CDH6: variants seen among roughly 807,000 people sequenced by gnomAD.
The protein encoded by CDH6 is cadherin 6.
A neutral mutation model predicts 78.0 loss-of-function variants in CDH6; 31 were observed. That is an observed-to-expected ratio of 0.40 (90% confidence interval 0.30 to 0.54). The LOEUF (loss-of-function observed/expected upper bound fraction) is 0.54, where lower values mean the gene tolerates loss of function less well. CDH6 is among the 20% of genes least tolerant of loss of function. The pLI, the probability that CDH6 is intolerant of heterozygous loss-of-function variation, is 0.56. For synonymous variants in CDH6, 376 were observed against 368.8 expected (o/e 1.02, Z -0.23); for missense variants, 724 against 975.9 (o/e 0.74, Z 3.44).
At chr5:31,314,249 A>G (rs1738240603) in intron 8 of CDH6, among the ~76,000 whole-genome samples, 1 of 151,072 alleles carries the variant, frequency 6.6e-6, no homozygotes, top group Non-Finnish European at 1.5e-5. Flanking sequence ...TGCTGCACCC[A>G]TTAACTCGTC....
At chr5:31,231,967 T>C (rs1741322326) in intron 1 of CDH6, among the ~76,000 whole-genome samples, 2 of 152,244 alleles carry the variant, frequency 1.3e-5, no homozygotes, top group South Asian at 4.1e-4. Context: ...ATGTTTCTTT[T>C]CAAATCACCC....
At position 31,220,442 on chromosome 5, in the gene CDH6, G is replaced by A. The variant is rs541112695; in HGVS notation, c.-129+26556G>A. ...GAGTTAGTGTGAGTTATTAAAGTGAGGGATGCCAAATTCTCTATTTATTTC... is the reference window on the plus strand; with the variant it reads ...GAGTTAGTGTGAGTTATTAAAGTGAAGGATGCCAAATTCTCTATTTATTTC... On this transcript the variant is annotated intron_variant, in intron 1 of 11. Coordinates refer to ENST00000265071, the MANE Select transcript of CDH6 (RefSeq NM_004932.4). 2.6e-5 allele frequency among the ~76,000 whole-genome samples: 4 copies of A among 152,194 alleles called. No individual in the cohort carries two copies. In the South Asian group the frequency reaches 8.3e-4, roughly 32 times the overall value.
intron 1 of CDH6, among the ~76,000 whole-genome samples, chr5:31,198,488 C>T (rs1740233061): frequency 6.6e-6 from 1 of 152,126 alleles, no homozygotes. Context: ...ATAAAGCTAG[C>T]ATACCACAGG....
Position 31,326,736 on chromosome 5 carries a change from G to A in CDH6, c.*3428G>A, listed in dbSNP as rs1738634722. ...AGACAGAATCTCGCTCTGTCGCCCA[G>A]GCTGGAATGCAGTGGCGCGATCTCT... On this transcript the variant is annotated 3_prime_UTR_variant, in exon 12 of 12. Transcript: ENST00000265071. The A allele has an allele frequency of 7.4e-6, 1 of 135,530 alleles. No individual in the cohort carries two copies. Among genetic ancestry groups the A allele is most frequent in the Non-Finnish European group, 1.4e-5 (1 of 69,454 alleles). 8.4% of individuals were successfully genotyped at this position (135,530 alleles called of 1,614,324 possible). A position where few individuals can be genotyped will look rare whatever the true frequency, so the allele number is the denominator to read the frequency against.
At chr5:31,288,739 G>C (rs770080300) in intron 2 of CDH6, among the ~76,000 whole-genome samples, 4 of 152,124 alleles carry the variant, frequency 2.6e-5, no homozygotes, top group Non-Finnish European at 5.9e-5. Context: ...CAACACCACT[G>C]TTCTCTAATT....
intron 1 of CDH6, among the ~76,000 whole-genome samples, chr5:31,198,114 G>C (rs561024433): frequency 6.6e-6 from 1 of 152,248 alleles, no homozygotes; most frequent in South Asian, 2.1e-4. Flanking sequence ...GCCATCTGCA[G>C]CCAACAGTCT....
chr5:31,239,509 A>G (rs1318887999), intron 1 of CDH6, among the ~76,000 whole-genome samples: 1 of 152,240 alleles, frequency 6.6e-6, no homozygotes, highest in Admixed American at 6.5e-5. Context: ...TTATTAGAAA[A>G]CACTGATATG....
chr5:31,303,368 G>A (rs2149952972), intron 6 of CDH6, among the ~76,000 whole-genome samples: 1 of 152,240 alleles, frequency 6.6e-6, no homozygotes, highest in East Asian at 1.9e-4. Context: ...AAGATGACTT[G>A]CATCACAAAA....
chr5:31,312,945 G>A (rs200081116), intron 7 of CDH6, among the ~76,000 whole-genome samples: 3 of 149,202 alleles, frequency 2.0e-5, no homozygotes, highest in Non-Finnish European at 3.0e-5. Context: ...ATGCATACAA[G>A]CACACACACA....
intron 11 of CDH6, among the ~76,000 whole-genome samples, chr5:31,319,482 C>T (rs900999565): frequency 6.6e-6 from 1 of 152,232 alleles, no homozygotes; most frequent in African/African-American, 2.4e-5. Flanking sequence ...GTATAATTAT[C>T]TGTACCTTAA....
intron 5 of CDH6, among the ~76,000 whole-genome samples, chr5:31,300,926 G>C (rs1386539896): frequency 6.6e-6 from 1 of 152,160 alleles, no homozygotes; most frequent in East Asian, 1.9e-4. Flanking sequence ...TTCAAGAGCA[G>C]CCGAGGCAAC....
In CDH6 at chr5:31,326,004, A is replaced by G. The variant is rs1738617313; in HGVS notation, c.*2696A>G. On this transcript the variant is annotated 3_prime_UTR_variant, in exon 12 of 12. Transcript: ENST00000265071. ...ACCCCACCTGAGTATCAGGTCAAACATCATTGCATGCGCAGGTTTTTTTTT... is the reference window on the plus strand; with the variant it reads ...ACCCCACCTGAGTATCAGGTCAAACGTCATTGCATGCGCAGGTTTTTTTTT... The G allele has an allele frequency of 8.7e-6, 2 of 230,328 alleles. No individual in the cohort carries two copies. The highest frequency in any genetic ancestry group is 1.1e-4 in the Admixed American group (2 of 17,658). The allele number at this position is 230,328 out of a possible 1,614,324, so 14.3% of individuals were successfully genotyped here.
At chr5:31,262,272 T>C (rs1742230444) in intron 1 of CDH6, among the ~76,000 whole-genome samples, 1 of 152,228 alleles carries the variant, frequency 6.6e-6, no homozygotes, top group Non-Finnish European at 1.5e-5. Context: ...ATGTTCAAAG[T>C]ATGCAATTAC....
At chr5:31,230,333 T>A (rs142563242) in intron 1 of CDH6, among the ~76,000 whole-genome samples, 8 of 152,336 alleles carry the variant, frequency 5.3e-5, no homozygotes, top group African/African-American at 1.7e-4. Flanking sequence ...TACACAGGTT[T>A]GTCTGTATAA....
rs576160925 is a variant in CDH6 at position 31,312,281 on chromosome 5, T to G, written c.1254-1037T>G. Among the ~76,000 whole-genome samples the G allele has an allele frequency of 3.9e-5, 6 of 152,336 alleles. No individual in the cohort carries two copies. The East Asian group carries it at 9.7e-4, about 25-fold the overall frequency. ...GCATAGCAAAAATGGAACTTACCCATCTTCCCCGAATCCTGTTTTTCACTC... is the reference window on the plus strand; with the variant it reads ...GCATAGCAAAAATGGAACTTACCCAGCTTCCCCGAATCCTGTTTTTCACTC... On this transcript the variant is annotated intron_variant, in intron 7 of 11. Coordinates refer to ENST00000265071, the MANE Select transcript of CDH6 (RefSeq NM_004932.4).
At chr5:31,302,963 G>GAAAGA (rs1737867732) in intron 6 of CDH6, among the ~76,000 whole-genome samples, 4 of 81,894 alleles carry the variant, frequency 4.9e-5, no homozygotes, top group Admixed American at 1.3e-4. Context: ...AAGAAGGAAA[G>GAAAGA]AAAAGAAAGA....
At chr5:31,243,072 G>A (rs1304619070) in intron 1 of CDH6, among the ~76,000 whole-genome samples, 2 of 152,242 alleles carry the variant, frequency 1.3e-5, no homozygotes, top group East Asian at 3.9e-4. Context: ...TCTGCTAAGT[G>A]CATACATGCA....
At chr5:31,298,791 G>T (rs1208486422) in intron 4 of CDH6, among the ~76,000 whole-genome samples, 2 of 152,014 alleles carry the variant, frequency 1.3e-5, no homozygotes, top group Admixed American at 6.6e-5. Flanking sequence ...TTGTCATTGG[G>T]GCCAGTTGAA....
rs1737503941 is a variant in CDH6, at chr5:31,294,076, A to G, written c.343A>G (p.Arg115Gly). 1 of 1,613,858 alleles carries G rather than the reference A, an allele frequency of 6.2e-7. No homozygotes were observed. The highest frequency in any genetic ancestry group is 8.5e-7 in the Non-Finnish European group (1 of 1,179,956). The change falls in exon 3 of 12, where the codon AGG (arginine) becomes GGG (glycine). Residue 115 changes from arginine (R) to glycine (G), a missense_variant. By Grantham distance (125) the Arg-to-Gly change is moderately radical. Transcript: ENST00000265071. This position sits in a 1 kb window ranked among gnomAD's most constrained non-coding sequence, Gnocchi z 4.1. The stretch of plus-strand genomic sequence containing the variant: ...CACAGGCGACATACAGGCCACCAAG[A>G]GGCTGGACAGGGAAGAAAAACCCGT... Reference protein sequence around the residue: ...ENTGDIQATKRLDREEKPVYI... With the variant: ...ENTGDIQATKGLDREEKPVYI...
Sources: allele counts gnomAD v4.1 joint callset (sites outside exome capture counted in the v4.1 genomes callset), GRCh38; gene constraint gnomAD v4.1.1; non-coding constraint Gnocchi (gnomAD v3.1); transcripts MANE v1.5; gene names NCBI Gene and HGNC (gene_info 2026-07-23, HGNC 2026-07-21).